MCOLN3: variants seen among roughly 807,000 people sequenced by gnomAD.
MCOLN3 encodes mucolipin-3.
MCOLN3 carries 62 observed loss-of-function variants against 69.4 expected under a neutral mutation model. The observed-to-expected ratio is 0.89, with a 90% CI of 0.73 to 1.10. The LOEUF (loss-of-function observed/expected upper bound fraction) is 1.10, where lower values mean the gene tolerates loss of function less well. MCOLN3 is among the 50% of genes least tolerant of loss of function. The pLI, the probability that MCOLN3 is intolerant of heterozygous loss-of-function variation, is 0.00. For missense variants in MCOLN3, 564 were observed against 656.4 expected, an observed-to-expected ratio of 0.86 and a Z score of 1.54; for synonymous variants, 183 against 217.0, an observed-to-expected ratio of 0.84 and a Z score of 1.38.
intron 2 of MCOLN3, among the ~76,000 whole-genome samples, chr1:85,043,920 A>C (rs1162328223): frequency 1.3e-5 from 2 of 149,882 alleles, no homozygotes; most frequent in Admixed American, 1.3e-4. Flanking sequence ...CACCTGGCTT[A>C]TTTTTGTATG....
At chr1:85,046,175 A>AT (rs1491427529) in intron 1 of MCOLN3, among the ~76,000 whole-genome samples, 1 of 152,240 alleles carries the variant, frequency 6.6e-6, no homozygotes, top group African/African-American at 2.4e-5. Flanking sequence ...CTCAGGAAAC[A>AT]TAACTGTTGT....
chr1:85,034,382 G>A, intron 3 of MCOLN3, 131 bp from the exon 4 acceptor site: 1 of 834,260 alleles, frequency 1.2e-6, no homozygotes, highest in Non-Finnish European at 1.9e-6. Flanking sequence ...TGATAAACAG[G>A]GTAAGTGACT....
Position 85,018,484 on chromosome 1 carries a change from T to C in MCOLN3, c.*639A>G, listed in dbSNP as rs1054659719. On this transcript the variant is annotated 3_prime_UTR_variant, in exon 13 of 13. Transcript: ENST00000370589. Reference sequence around the variant, plus strand: ...TAGTAGGCTATACCATCTAGGTTTGTGGAAGTACATGCTATGATGTTTAAT... The same window carrying C: ...TAGTAGGCTATACCATCTAGGTTTGCGGAAGTACATGCTATGATGTTTAAT... 1 of 152,396 alleles carries C rather than the reference T, an allele frequency of 6.6e-6. No individual in the cohort carries two copies. The highest frequency in any genetic ancestry group is 1.5e-5 in the Non-Finnish European group (1 of 68,218). The allele number at this position is 152,396 out of a possible 1,614,324, so 9.4% of individuals were successfully genotyped here. A position where few individuals can be genotyped will look rare whatever the true frequency, so the allele number is the denominator to read the frequency against.
intron 1 of MCOLN3, among the ~76,000 whole-genome samples, chr1:85,046,452 C>G (rs1467348905): frequency 1.3e-5 from 2 of 152,062 alleles, no homozygotes; most frequent in Non-Finnish European, 2.9e-5. Flanking sequence ...TGATATTATA[C>G]TATGGAAACC....
In MCOLN3 at chr1:85,026,017, A is replaced by G. The variant is rs1458610205; in HGVS notation, c.1017T>C (p.Asn339=). 2 of 1,599,932 alleles carry G rather than the reference A, an allele frequency of 1.3e-6. No homozygotes were observed. The highest frequency in any genetic ancestry group is 8.5e-7 in the Non-Finnish European group (1 of 1,172,894). The change falls in exon 9 of 13, where the codon AAT becomes AAC. Residue 339 remains asparagine (N), a synonymous_variant. Coordinates refer to ENST00000370589, the MANE Select transcript of MCOLN3 (RefSeq NM_018298.11). ...TAATAATAATCATAATGTACCATCC[A>G]TTGACAAATTCCATTTGATCAGAAA... is the stretch of plus-strand genomic sequence containing the variant. ...VSVSDQMEFV[N]GWYIMIIISD...
intron 3 of MCOLN3, among the ~76,000 whole-genome samples, chr1:85,034,984 T>C (rs1295697089): frequency 6.6e-6 from 1 of 152,208 alleles, no homozygotes; most frequent in Non-Finnish European, 1.5e-5. Flanking sequence ...CTAAAAGATA[T>C]GAGTGAAGCA....
At chr1:85,046,009 G>T (rs1571131969) in intron 1 of MCOLN3, among the ~76,000 whole-genome samples, 1 of 152,294 alleles carries the variant, frequency 6.6e-6, no homozygotes, top group East Asian at 1.9e-4. Flanking sequence ...ATTGTAGCCA[G>T]AATTAAATAG....
At chr1:85,042,023 A>C (rs920498361) in intron 2 of MCOLN3, among the ~76,000 whole-genome samples, 7 of 151,964 alleles carry the variant, frequency 4.6e-5, no homozygotes, top group Non-Finnish European at 8.8e-5. Context: ...CATGCTGTAC[A>C]TGCTGTAAAT....
At chr1:85,021,806 T>C (rs1308116757) in intron 11 of MCOLN3, among the ~76,000 whole-genome samples, 4 of 152,220 alleles carry the variant, frequency 2.6e-5, no homozygotes, top group Non-Finnish European at 2.9e-5. Flanking sequence ...ATGAATCAAA[T>C]TGACTAAACT....
intron 3 of MCOLN3, among the ~76,000 whole-genome samples, chr1:85,035,302 A>C (rs1202093874): frequency 6.6e-6 from 1 of 152,142 alleles, no homozygotes; most frequent in African/African-American, 2.4e-5. Context: ...TTCTCTCCAC[A>C]GCTGACTTCA....
chr1:85,034,389 G>T, intron 3 of MCOLN3, 138 bp from the exon 4 acceptor site: 1 of 788,504 alleles, frequency 1.3e-6, no homozygotes, highest in Non-Finnish European at 2.0e-6. Context: ...CAGGGTAAGT[G>T]ACTTGCTGCT....
rs1248604801 is a variant in MCOLN3 at position 85,034,096 on chromosome 1, A to C, written c.550+2T>G. 1 of 1,614,166 alleles carries C rather than the reference A, an allele frequency of 6.2e-7. No individual in the cohort carries two copies. Among genetic ancestry groups the C allele is most frequent in the South Asian group, 1.1e-5 (1 of 91,064 alleles). ...AGGTTCTAGGTTATAGAAGAACATC[A>C]CCAGTTTCAATTTCTGGATCGATGT... is the stretch of plus-strand genomic sequence containing the variant. On this transcript the variant is annotated splice_donor_variant, in intron 4 of 12. Transcript: ENST00000370589. LOFTEE classifies it high-confidence loss of function.
intron 6 of MCOLN3, chr1:85,030,019 C>A (rs1652425799): frequency 6.6e-6 from 1 of 152,184 alleles, no homozygotes; most frequent in African/African-American, 2.4e-5. Flanking sequence ...TATAAGATTT[C>A]AAATGACTTT....
chr1:85,039,246 T>G (rs1412999215), intron 3 of MCOLN3, among the ~76,000 whole-genome samples: 2 of 152,178 alleles, frequency 1.3e-5, no homozygotes, highest in Admixed American at 1.3e-4. Flanking sequence ...AATGTATGTG[T>G]CCCTCCAAAG....
rs1234330033 is a variant in MCOLN3 at position 85,032,880 on chromosome 1, G to A, written c.627C>T (p.Asp209=). The change falls in exon 5 of 13, where the codon GAC becomes GAT. Residue 209 remains aspartate (D), a synonymous_variant. Coordinates refer to ENST00000370589, the MANE Select transcript of MCOLN3 (RefSeq NM_018298.11). ...PAENKLNLTL[D]FHRLLTVELQ... Reference sequence around the variant, plus strand: ...CTGTCTGCTCCCCTCACCTGTGGAAGTCCAGTGTTAAGTTCAGTTTATTTT... The same window carrying A: ...CTGTCTGCTCCCCTCACCTGTGGAAATCCAGTGTTAAGTTCAGTTTATTTT... 1 of 1,614,044 alleles carries A rather than the reference G, an allele frequency of 6.2e-7. No homozygotes were observed. The highest frequency in any genetic ancestry group is 8.5e-7 in the Non-Finnish European group (1 of 1,180,024).
At chr1:85,046,387 G>A (rs536450174) in intron 1 of MCOLN3, among the ~76,000 whole-genome samples, 90 of 152,172 alleles carry the variant, frequency 5.9e-4, no homozygotes, top group South Asian at 1.7e-3. Context: ...TCAAAGTGAC[G>A]GAGAAGTCAC....
intron 3 of MCOLN3, among the ~76,000 whole-genome samples, chr1:85,037,572 G>A (rs750268539): frequency 1.7e-4 from 26 of 152,300 alleles, no homozygotes; most frequent in African/African-American, 4.8e-4. Flanking sequence ...ACATAGTTAC[G>A]TTATATAATA....
chr1:85,039,049 C>A (rs779583859), intron 3 of MCOLN3, among the ~76,000 whole-genome samples: 1 of 151,934 alleles, frequency 6.6e-6, no homozygotes, highest in Non-Finnish European at 1.5e-5. Context: ...TTTTTCTATT[C>A]ATTTCTCAGA....
At chr1:85,038,399 G>T (rs1418515955) in intron 3 of MCOLN3, among the ~76,000 whole-genome samples, 1 of 152,122 alleles carries the variant, frequency 6.6e-6, no homozygotes, top group Non-Finnish European at 1.5e-5. Context: ...TAAGAGGAAA[G>T]CCAGGAGACA....
Sources: allele counts gnomAD v4.1 joint callset (sites outside exome capture counted in the v4.1 genomes callset), GRCh38; gene constraint gnomAD v4.1.1; transcripts MANE v1.5; gene names NCBI Gene and HGNC (gene_info 2026-07-23, HGNC 2026-07-21).